The following SNX29 variants were observed in gnomAD, a reference collection of about 807,000 sequenced individuals.
The protein encoded by SNX29 is sorting nexin-29.
In SNX29, 78 loss-of-function variants were observed where a neutral mutation model predicts 102.1. The observed-to-expected ratio is 0.76, with a 90% CI of 0.64 to 0.92. SNX29 has a LOEUF of 0.92. SNX29 is among the 40% of genes least tolerant of loss of function. The pLI is 0.00. For synonymous variants in SNX29, 580 were observed against 414.5 expected (o/e 1.40, Z -4.85); for missense variants, 1,280 against 1,061.7 (o/e 1.21, Z -2.86).
chr16:12,573,775 G>C lies in SNX29; in HGVS notation c.*5146G>C, dbSNP rs375762095. ...CTACTAAACGCTCAGTGACCCCAGAGACCATTAATTTCCCGGAGTGAAGGG... is the reference window on the plus strand; with the variant it reads ...CTACTAAACGCTCAGTGACCCCAGACACCATTAATTTCCCGGAGTGAAGGG... On this transcript the variant is annotated 3_prime_UTR_variant, in exon 21 of 21. Transcript: ENST00000566228. The C allele has an allele frequency of 4.8e-4, 107 of 222,860 alleles. 1 individual carries two copies. The highest frequency in any genetic ancestry group is 2.1e-3 in the African/African-American group (94 of 44,828). The allele number at this position is 222,860 out of a possible 1,614,324, so 13.8% of individuals were successfully genotyped here.
intron 15 of SNX29, among the ~76,000 whole-genome samples, chr16:12,317,843 G>A (rs1200562218): frequency 1.3e-5 from 2 of 152,202 alleles, no homozygotes; most frequent in East Asian, 3.9e-4. Context: ...ATGACTCCCC[G>A]TGCCGGGGTG....
intron 20 of SNX29, among the ~76,000 whole-genome samples, chr16:12,541,288 C>T (rs1055127087): frequency 6.6e-6 from 1 of 152,192 alleles, no homozygotes; most frequent in Non-Finnish European, 1.5e-5. Context: ...GGGAATACCA[C>T]TAACAGTGGG....
At chr16:12,270,067 G>T (rs1276940970) in intron 14 of SNX29, among the ~76,000 whole-genome samples, 4 of 151,954 alleles carry the variant, frequency 2.6e-5, no homozygotes, top group African/African-American at 9.7e-5. Flanking sequence ...CACCATGTTG[G>T]CCAGGCTGGT....
At chr16:12,461,070 C>T (rs1597458635) in intron 18 of SNX29, among the ~76,000 whole-genome samples, 1 of 152,196 alleles carries the variant, frequency 6.6e-6, no homozygotes, top group East Asian at 1.9e-4. Flanking sequence ...GCGATAATTG[C>T]CCACATTTTA....
chr16:12,373,644 A>G (rs970080969), intron 16 of SNX29: 7 of 152,156 alleles, frequency 4.6e-5, no homozygotes, highest in African/African-American at 1.7e-4. Flanking sequence ...TCCTTTGTCC[A>G]TTTTATGTAT....
At chr16:12,305,176 A>G (rs994423726) in intron 15 of SNX29, among the ~76,000 whole-genome samples, 3 of 152,206 alleles carry the variant, frequency 2.0e-5, no homozygotes, top group Admixed American at 2.0e-4. Flanking sequence ...GTCTGTGTAT[A>G]TATAGGTCTT....
chr16:12,410,900 C>CTTT (rs2084370934), intron 18 of SNX29, among the ~76,000 whole-genome samples: 1 of 152,214 alleles, frequency 6.6e-6, no homozygotes, highest in African/African-American at 2.4e-5. Flanking sequence ...CTTTGCGTTT[C>CTTT]TCAGCTCTTC....
intron 1 of SNX29, among the ~76,000 whole-genome samples, chr16:11,985,113 C>A (rs961315488): frequency 1.3e-5 from 2 of 150,514 alleles, no homozygotes; most frequent in Non-Finnish European, 3.0e-5. Context: ...TTTTTTTTGG[C>A]CTATAATTAA....
chr16:12,195,064 A>C (rs746669465), intron 13 of SNX29, among the ~76,000 whole-genome samples: 10 of 152,338 alleles, frequency 6.6e-5, no homozygotes, highest in Middle Eastern at 3.4e-3. Context: ...ATACATTTCC[A>C]GTGCAAATAT....
intron 11 of SNX29, among the ~76,000 whole-genome samples, chr16:12,114,965 A>G (rs1323922193): frequency 6.6e-6 from 1 of 152,012 alleles, no homozygotes; most frequent in Non-Finnish European, 1.5e-5. Context: ...TGTGCCTGGC[A>G]CTCGGCTGGT....
chr16:12,360,284 G>A (rs2151325298), intron 16 of SNX29, among the ~76,000 whole-genome samples: 1 of 152,254 alleles, frequency 6.6e-6, no homozygotes, highest in East Asian at 1.9e-4. Flanking sequence ...TTCAGGCTCT[G>A]TTAATTTGTA....
At chr16:12,168,682 A>C (rs2076073619) in intron 13 of SNX29, among the ~76,000 whole-genome samples, 2 of 152,148 alleles carry the variant, frequency 1.3e-5, no homozygotes, top group South Asian at 4.1e-4. Flanking sequence ...CATCACACAG[A>C]GGCGCTTCAG....
At chr16:12,057,781 A>G (rs185327104) in intron 8 of SNX29, among the ~76,000 whole-genome samples, 23 of 151,136 alleles carry the variant, frequency 1.5e-4, no homozygotes, top group Middle Eastern at 3.5e-3. Context: ...GCTAATGAGT[A>G]CATATATACA....
At chr16:12,367,579 A>G (rs2082531902) in intron 16 of SNX29, 1 of 152,194 alleles carries the variant, frequency 6.6e-6, no homozygotes, top group South Asian at 2.1e-4. Flanking sequence ...GCTCCCTGGG[A>G]CTTTCTTGGT....
intron 20 of SNX29, among the ~76,000 whole-genome samples, chr16:12,551,164 A>G (rs1380473799): frequency 1.3e-5 from 2 of 152,176 alleles, no homozygotes; most frequent in South Asian, 2.1e-4. Flanking sequence ...GAAAACCCTC[A>G]GTACCATCGT....
intron 19 of SNX29, among the ~76,000 whole-genome samples, chr16:12,492,853 T>G (rs968654026): frequency 2.0e-5 from 3 of 152,228 alleles, no homozygotes; most frequent in African/African-American, 7.2e-5. Context: ...ATATGCAGCA[T>G]TATTTCTGAG....
chr16:12,170,367 C>T (rs1198344542), intron 13 of SNX29, among the ~76,000 whole-genome samples: 1 of 151,854 alleles, frequency 6.6e-6, no homozygotes, highest in African/African-American at 2.4e-5. Context: ...GCGTTTGTGG[C>T]AGTTGAGAGC....
At chr16:12,362,932 T>C (rs1488213139) in intron 16 of SNX29, among the ~76,000 whole-genome samples, 2 of 152,160 alleles carry the variant, frequency 1.3e-5, no homozygotes, top group African/African-American at 4.8e-5. Flanking sequence ...GGTCAACTCA[T>C]TGAGTGAATG....
intron 15 of SNX29, among the ~76,000 whole-genome samples, chr16:12,317,287 GC>G (rs2080779455): frequency 6.6e-6 from 1 of 152,200 alleles, no homozygotes; most frequent in Non-Finnish European, 1.5e-5. Flanking sequence ...ACCTTCGCAG[GC>G]CCCAGATGCG....
Sources: allele counts gnomAD v4.1 joint callset (sites outside exome capture counted in the v4.1 genomes callset), GRCh38; gene constraint gnomAD v4.1.1; transcripts MANE v1.5; gene names NCBI Gene and HGNC (gene_info 2026-07-23, HGNC 2026-07-21).